Variants in SCHIP1 observed in about 807,000 individuals in gnomAD.
SCHIP1 encodes the protein schwannomin-interacting protein 1.
In SCHIP1, 8 loss-of-function variants were observed where a neutral mutation model predicts 29.7. The observed-to-expected ratio is 0.27, with a 90% confidence interval of 0.16 to 0.49. The LOEUF (loss-of-function observed/expected upper bound fraction) is 0.49, where lower values mean the gene tolerates loss of function less well. SCHIP1 is among the 20% of genes least tolerant of loss of function. The probability of loss-of-function intolerance (pLI) is 0.99; values close to 1 mark genes in which losing one functional copy is unlikely to be tolerated. For synonymous variants in SCHIP1, 76 were observed against 94.9 expected (o/e 0.80, Z 1.16); for missense variants, 193 against 294.6 (o/e 0.66, Z 2.52).
At chr3:159,442,463 C>T in the SCHIP1 span, among the ~76,000 whole-genome samples, 2 of 152,198 alleles carry the variant, frequency 1.3e-5, no homozygotes, top group Non-Finnish European at 2.9e-5. Context: ...GTCCCCTATC[C>T]TTCCAGGCCT....
the SCHIP1 span, among the ~76,000 whole-genome samples, chr3:159,365,127 C>T: frequency 6.6e-6 from 1 of 152,162 alleles, no homozygotes; most frequent in Non-Finnish European, 1.5e-5. Flanking sequence ...ACCATCTCCA[C>T]ACCCTGAAAA....
At chr3:159,886,384 T>C in intron 3 of SCHIP1, 60 bp downstream of exon 4, 2 of 1,493,430 alleles carry the variant, frequency 1.3e-6, no homozygotes, top group Non-Finnish European at 1.9e-6. Context: ...ATTTAGCTTC[T>C]TTTCTGTTGT....
the SCHIP1 span, among the ~76,000 whole-genome samples, chr3:159,586,021 A>T: frequency 6.6e-6 from 1 of 152,124 alleles, no homozygotes; most frequent in South Asian, 2.1e-4. Flanking sequence ...TGGCTGTTAC[A>T]TTCAGCTCTA....
Position 159,866,150 on chromosome 3 carries a change from C to T in SCHIP1, c.31-13C>T, listed in dbSNP as rs200285720. The stretch of plus-strand genomic sequence containing the variant: ...CCCACTTATCAGCATTTTTTATTTT[C>T]TTGAAATTTTAGGCACAGAAAAATG... On this transcript the variant is annotated splice_polypyrimidine_tract_variant and intron_variant, in intron 1 of 6. Coordinates refer to ENST00000445224, the Ensembl canonical transcript of SCHIP1. The T allele has an allele frequency of 1.2e-6, 2 of 1,610,802 alleles. No individual in the cohort carries two copies. The highest frequency in any genetic ancestry group is 4.5e-5 in the East Asian group (2 of 44,822).
chr3:159,432,588 C>A, the SCHIP1 span, among the ~76,000 whole-genome samples: 1 of 152,040 alleles, frequency 6.6e-6, no homozygotes, highest in African/African-American at 2.4e-5. Flanking sequence ...GCAACTAGGT[C>A]TTGAGGTGGA....
intron 2 of SCHIP1, among the ~76,000 whole-genome samples, chr3:159,880,835 G>T (rs1250204153): frequency 6.6e-6 from 1 of 152,178 alleles, no homozygotes; most frequent in African/African-American, 2.4e-5. Context: ...TGTGTGTGAT[G>T]ATTTTTGTTG....
the SCHIP1 span, among the ~76,000 whole-genome samples, chr3:159,617,871 G>A: frequency 1.3e-5 from 2 of 152,164 alleles, no homozygotes; most frequent in Non-Finnish European, 2.9e-5. Flanking sequence ...AGCGGGCAGA[G>A]GGGAAACTTG....
chr3:159,838,648 TGGGAGGCCGA>T (rs1743899636), upstream of SCHIP1, among the ~76,000 whole-genome samples: 1 of 152,210 alleles, frequency 6.6e-6, no homozygotes, highest in East Asian at 1.9e-4. Context: ...CCCAGCACTT[TGGGAGGCCGA>T]GGCAGGCGGA....
chr3:159,521,240 A>G, the SCHIP1 span, among the ~76,000 whole-genome samples: 1 of 152,212 alleles, frequency 6.6e-6, no homozygotes, highest in Non-Finnish European at 1.5e-5. Flanking sequence ...AAATACTCTT[A>G]TCCTGATCAG....
the SCHIP1 span, among the ~76,000 whole-genome samples, chr3:159,614,961 T>G: frequency 6.6e-6 from 1 of 152,158 alleles, no homozygotes; most frequent in Non-Finnish European, 1.5e-5. Context: ...AAGACAAACA[T>G]GAGAATTAAA....
At chr3:159,597,625 A>G in the SCHIP1 span, among the ~76,000 whole-genome samples, 1 of 152,154 alleles carries the variant, frequency 6.6e-6, no homozygotes, top group Non-Finnish European at 1.5e-5. Context: ...TTTAAAAAAC[A>G]GGCTGAATAA....
chr3:159,770,658 T>G, the SCHIP1 span, among the ~76,000 whole-genome samples: 1 of 152,348 alleles, frequency 6.6e-6, no homozygotes, highest in East Asian at 1.9e-4. Context: ...GCTGCCTGTC[T>G]TCCAAGGAAG....
At chr3:159,483,043 G>A in the SCHIP1 span, among the ~76,000 whole-genome samples, 1 of 152,132 alleles carries the variant, frequency 6.6e-6, no homozygotes, top group Admixed American at 6.6e-5. Context: ...ACTCTTCAAA[G>A]CAGCCTCCCG....
At chr3:159,273,868 C>CA in the SCHIP1 span, 1 of 1,613,502 alleles carries the variant, frequency 6.2e-7, no homozygotes, top group South Asian at 1.1e-5. Context: ...GTGACCAGGG[C>CA]AAGCACTCTG....
chr3:159,419,921 A>G, the SCHIP1 span, among the ~76,000 whole-genome samples: 3 of 152,222 alleles, frequency 2.0e-5, no homozygotes. Context: ...GGACAACTGG[A>G]AACTTTCTGT....
At chr3:159,442,019 A>G in the SCHIP1 span, among the ~76,000 whole-genome samples, 3 of 152,300 alleles carry the variant, frequency 2.0e-5, no homozygotes, top group East Asian at 3.9e-4. Context: ...TAATCTTTGT[A>G]AGAAACAGCA....
the SCHIP1 span, among the ~76,000 whole-genome samples, chr3:159,518,336 T>G: frequency 2.6e-5 from 4 of 152,118 alleles, no homozygotes; most frequent in Non-Finnish European, 4.4e-5. Context: ...ATTGAAAGGA[T>G]TTTAATGGTT....
At chr3:159,815,932 T>C in the SCHIP1 span, among the ~76,000 whole-genome samples, 1 of 148,306 alleles carries the variant, frequency 6.7e-6, no homozygotes, top group Non-Finnish European at 1.5e-5. Context: ...TCTCTGCCTC[T>C]GGTCCTATTT....
the SCHIP1 span, among the ~76,000 whole-genome samples, chr3:159,513,284 C>G: frequency 2.6e-5 from 4 of 152,118 alleles, no homozygotes; most frequent in Non-Finnish European, 5.9e-5. Flanking sequence ...ATTTTGTTGT[C>G]AAGCTGTGGT....
Sources: allele counts gnomAD v4.1 joint callset (sites outside exome capture counted in the v4.1 genomes callset), GRCh38; gene constraint gnomAD v4.1.1; transcripts MANE v1.5; gene names NCBI Gene and HGNC (gene_info 2026-07-23, HGNC 2026-07-21).